The following GRIK4 variants were observed in gnomAD, a reference collection of about 807,000 sequenced individuals.
The protein encoded by GRIK4 is glutamate receptor ionotropic, kainate 4.
A neutral mutation model predicts 104.9 loss-of-function variants in GRIK4; 40 were observed. That is an observed-to-expected ratio of 0.38 (90% CI 0.30 to 0.50). The LOEUF (loss-of-function observed/expected upper bound fraction) is 0.50. Ranked by LOEUF, GRIK4 falls within the 20% of genes least tolerant of loss-of-function variation. GRIK4 has a pLI of 0.93. For missense variants in GRIK4, 1,047 were observed against 1,308.1 expected (o/e 0.80, Z 3.08); for synonymous variants, 485 against 524.9 (o/e 0.92, Z 1.04).
chr11:120,880,223 T>C (rs1352803917), intron 11 of GRIK4, among the ~76,000 whole-genome samples: 1 of 152,240 alleles, frequency 6.6e-6, no homozygotes, highest in Non-Finnish European at 1.5e-5. Context: ...CAAACTAGAA[T>C]TGCATGGCAC....
At chr11:120,551,078 G>A (rs938824464) in intron 1 of GRIK4, among the ~76,000 whole-genome samples, 1 of 152,140 alleles carries the variant, frequency 6.6e-6, no homozygotes, top group East Asian at 1.9e-4. Flanking sequence ...TTCACGAGAC[G>A]AATGGTTTGG....
chr11:120,788,258 A>G (rs1395977328), intron 3 of GRIK4, among the ~76,000 whole-genome samples: 1 of 152,186 alleles, frequency 6.6e-6, no homozygotes, highest in African/African-American at 2.4e-5. Context: ...AGTAGCTCCA[A>G]GATCAAAGTG....
At chr11:120,579,608 A>G (rs1206190453) in intron 1 of GRIK4, among the ~76,000 whole-genome samples, 2 of 152,312 alleles carry the variant, frequency 1.3e-5, no homozygotes, top group Non-Finnish European at 1.5e-5. Context: ...GACAGCTTAT[A>G]AAGGATAAAT....
chr11:120,551,372 T>G (rs1252776292), intron 1 of GRIK4, among the ~76,000 whole-genome samples: 1 of 152,096 alleles, frequency 6.6e-6, no homozygotes, highest in Non-Finnish European at 1.5e-5. Flanking sequence ...TATTCCAGAG[T>G]GGGTCCCGCC....
At chr11:120,554,099 G>A (rs1385403580) in intron 1 of GRIK4, among the ~76,000 whole-genome samples, 1 of 151,382 alleles carries the variant, frequency 6.6e-6, no homozygotes, top group Non-Finnish European at 1.5e-5. Flanking sequence ...CCCACCCACA[G>A]CATCTATAGT....
At chr11:120,726,881 C>A (rs530655350) in intron 3 of GRIK4, among the ~76,000 whole-genome samples, 2 of 152,178 alleles carry the variant, frequency 1.3e-5, no homozygotes, top group South Asian at 2.1e-4. Flanking sequence ...AACAAAATAA[C>A]AAAACCAAAA....
intron 8 of GRIK4, among the ~76,000 whole-genome samples, chr11:120,860,120 C>T (rs1287315707): frequency 6.6e-6 from 1 of 152,230 alleles, no homozygotes; most frequent in African/African-American, 2.4e-5. Context: ...TCTGTCATGT[C>T]AGGCTGAGTG....
intron 8 of GRIK4, among the ~76,000 whole-genome samples, chr11:120,861,234 A>G (rs1954256947): frequency 6.7e-6 from 1 of 149,846 alleles, no homozygotes; most frequent in South Asian, 2.1e-4. Context: ...TCACCCTCCC[A>G]AGTAGCTGGG....
chr11:120,883,555 G>C (rs1364462457), intron 11 of GRIK4, among the ~76,000 whole-genome samples: 1 of 152,202 alleles, frequency 6.6e-6, no homozygotes, highest in Non-Finnish European at 1.5e-5. Context: ...GCTTTGGCAG[G>C]ATGTAACCTG....
intron 3 of GRIK4, among the ~76,000 whole-genome samples, chr11:120,785,712 A>G (rs1024187066): frequency 6.6e-6 from 1 of 152,190 alleles, no homozygotes; most frequent in Admixed American, 6.5e-5. Context: ...CAGCTCCTGC[A>G]CTTGGGGTGT....
Position 120,557,238 on chromosome 11 carries a change from C to A in GRIK4, c.-159+45351C>A, listed in dbSNP as rs181675195. Among the ~76,000 whole-genome samples, 9 of 152,334 alleles carry A rather than the reference C, an allele frequency of 5.9e-5. No individual in the cohort carries two copies. In the South Asian group the frequency reaches 1.2e-3, roughly 21 times the overall value. On this transcript the variant is annotated intron_variant, in intron 1 of 20. Coordinates refer to ENST00000527524, the MANE Select transcript of GRIK4 (RefSeq NM_014619.5). ...CCCCTCCCTTGCCTCTCCTGTCCCC[C>A]CCGAGGACTCTCGTGTTCAGCACAC...
At chr11:120,768,083 A>G (rs1951870742) in intron 3 of GRIK4, among the ~76,000 whole-genome samples, 1 of 146,718 alleles carries the variant, frequency 6.8e-6, no homozygotes. Context: ...TTCTATTTCT[A>G]TGAAGAATGT....
intron 3 of GRIK4, among the ~76,000 whole-genome samples, chr11:120,725,351 C>T (rs11828397): frequency 2.0e-5 from 3 of 152,104 alleles, no homozygotes; most frequent in African/African-American, 4.8e-5. Flanking sequence ...ACCAAAACAC[C>T]AGGGCTTTAG....
intron 13 of GRIK4, among the ~76,000 whole-genome samples, chr11:120,912,063 G>A (rs1003728576): frequency 6.6e-6 from 1 of 152,138 alleles, no homozygotes; most frequent in African/African-American, 2.4e-5. Context: ...TATATGCAGT[G>A]TTGTGTAACC....
At chr11:120,535,754 C>T (rs545511796) in intron 1 of GRIK4, among the ~76,000 whole-genome samples, 11 of 152,206 alleles carry the variant, frequency 7.2e-5, no homozygotes, top group Non-Finnish European at 1.5e-4. Context: ...ACTGAGTGAA[C>T]GTTGCATTTT....
At chr11:120,915,529 G>A (rs1055966465) in intron 13 of GRIK4, among the ~76,000 whole-genome samples, 5 of 152,114 alleles carry the variant, frequency 3.3e-5, no homozygotes, top group South Asian at 2.1e-4. Context: ...GAAGATTGCC[G>A]CTGGGCCTCT....
At chr11:120,736,087 G>T (rs1951216546) in intron 3 of GRIK4, among the ~76,000 whole-genome samples, 2 of 152,124 alleles carry the variant, frequency 1.3e-5, no homozygotes, top group African/African-American at 4.8e-5. Flanking sequence ...AAGGCCCATG[G>T]TCTGTATTCC....
At chr11:120,763,563 T>C (rs1951785631) in intron 3 of GRIK4, among the ~76,000 whole-genome samples, 1 of 152,234 alleles carries the variant, frequency 6.6e-6, no homozygotes, top group South Asian at 2.1e-4. Context: ...TCTTTCCTGC[T>C]TTCTCCTTTG....
At chr11:120,840,676 A>G (rs917575517) in intron 8 of GRIK4, among the ~76,000 whole-genome samples, 1 of 152,188 alleles carries the variant, frequency 6.6e-6, no homozygotes, top group African/African-American at 2.4e-5. Flanking sequence ...AATTAAGAGA[A>G]ATAAAATTAC....
Sources: gnomAD v4.1 joint callset for allele counts (sites outside exome capture counted in the v4.1 genomes callset) on GRCh38, gnomAD v4.1.1 for gene constraint, MANE v1.5 for transcripts, NCBI Gene and HGNC (gene_info 2026-07-23, HGNC 2026-07-21) for gene names.